Variants in ABCA4 observed in about 807,000 individuals in gnomAD.
ABCA4 encodes ATP binding cassette subfamily A member 4.
ABCA4 carries 196 observed loss-of-function variants against 263.7 expected under a neutral mutation model. The ratio of observed to expected loss-of-function variants is 0.74; its 90% confidence interval spans 0.66 to 0.84. The LOEUF (loss-of-function observed/expected upper bound fraction) is 0.84, where lower values mean the gene tolerates loss of function less well. Among genes scored for constraint, ABCA4 ranks in the 40% least tolerant of loss-of-function variants. The pLI, the probability that ABCA4 is intolerant of heterozygous loss-of-function variation, is 0.00. For synonymous variants in ABCA4, 1,133 were observed against 1,094.2 expected (o/e 1.04, Z -0.70); for missense variants, 2,792 against 2,855.1 (o/e 0.98, Z 0.50).
rs771016066 is a variant in ABCA4 at position 93,997,947 on chromosome 1, G to GGGA, written c.6640_6642dup (p.Ser2214dup). ...AGGAGGAGCTGGAAGATCCTCGCCAGGGAGGAGGAGGAGACCTGGAACTGG... is the reference window on the plus strand; with the variant it reads ...AGGAGGAGCTGGAAGATCCTCGCCAGGGAGGAGGAGGAGGAGACCTGGAACTGG... On this transcript the variant is annotated inframe_insertion, in exon 48 of 50. Transcript: ENST00000370225. 3 of 1,614,156 alleles carry GGGA rather than the reference G, an allele frequency of 1.9e-6. No homozygotes were observed. Among genetic ancestry groups the GGGA allele is most frequent in the South Asian group, 2.2e-5 (2 of 91,076 alleles).
intron 44 of ABCA4, among the ~76,000 whole-genome samples, chr1:94,003,243 T>A (rs962802382): frequency 1.3e-5 from 2 of 152,250 alleles, no homozygotes; most frequent in Non-Finnish European, 2.9e-5. Context: ...AGATGTAGTC[T>A]ATTGTCTGCT....
intron 1 of ABCA4, among the ~76,000 whole-genome samples, chr1:94,119,482 C>T (rs1436297072): frequency 6.6e-6 from 1 of 152,168 alleles, no homozygotes; most frequent in African/African-American, 2.4e-5. Flanking sequence ...GCTATTGTCC[C>T]TCGGCCCCAC....
intron 36 of ABCA4, among the ~76,000 whole-genome samples, chr1:94,016,750 C>T (rs1659757598): frequency 1.3e-5 from 2 of 152,060 alleles, no homozygotes; most frequent in African/African-American, 4.8e-5. Context: ...GTGTGTACAT[C>T]CATATCTTCC....
chr1:94,047,284 T>C (rs1231032229), intron 18 of ABCA4, among the ~76,000 whole-genome samples, 191 bp from the exon 19 acceptor site: 2 of 152,228 alleles, frequency 1.3e-5, no homozygotes, highest in Non-Finnish European at 2.9e-5. Flanking sequence ...GCACCTCCTA[T>C]ATGCCAGGCA....
chr1:94,097,449 T>G (rs768271184), intron 6 of ABCA4, among the ~76,000 whole-genome samples: 25 of 152,194 alleles, frequency 1.6e-4, no homozygotes, highest in Non-Finnish European at 3.4e-4. Context: ...CAAAACACAG[T>G]TCCTCAATCA....
intron 14 of ABCA4, among the ~76,000 whole-genome samples, chr1:94,057,179 T>C (rs566160638): frequency 4.6e-5 from 7 of 152,158 alleles, no homozygotes; most frequent in Non-Finnish European, 8.8e-5. Flanking sequence ...ACCAATCAAA[T>C]ATTTGCTTTG....
chr1:94,099,048 T>C, intron 5 of ABCA4, 57 bp from the exon 6 acceptor site: 1 of 1,547,192 alleles, frequency 6.5e-7, no homozygotes, highest in Non-Finnish European at 8.7e-7. Flanking sequence ...GACACCCACG[T>C]CCTAACCCAC....
In ABCA4 at chr1:94,111,423, G is replaced by C. The variant is rs201042274; in HGVS notation, c.302+15C>G. ...GCAACTTCCTCCCCTGCATGGTAGG[G>C]ATCTCAACACTTACATGGAGTTGTT... On this transcript the variant is annotated intron_variant, in intron 3 of 49. Transcript: ENST00000370225. 6.2e-7 allele frequency: 1 copy of C among 1,613,644 alleles called. No individual in the cohort carries two copies. Among genetic ancestry groups the C allele is most frequent in the East Asian group, 2.2e-5 (1 of 44,872 alleles).
At chr1:94,119,275 A>G (rs1305699467) in intron 1 of ABCA4, among the ~76,000 whole-genome samples, 1 of 152,142 alleles carries the variant, frequency 6.6e-6, no homozygotes, top group Admixed American at 6.5e-5. Context: ...CCTGGAGACA[A>G]CAGATAACTT....
chr1:94,044,117 CCTT>C (rs1557779082), intron 20 of ABCA4, among the ~76,000 whole-genome samples: 13 of 72,892 alleles, frequency 1.8e-4, no homozygotes, highest in African/African-American at 9.4e-4. Flanking sequence ...TTCCTTCCTT[CCTT>C]CCTCCCTTCC....
Position 93,997,968 on chromosome 1 carries a change from A to G in ABCA4, c.6622T>C (p.Phe2208Leu), listed in dbSNP as rs1374099516. Residue 2208 changes from phenylalanine to leucine, a missense_variant, in exon 48 of 50, where the codon TTC becomes CTC. Phe to Leu is a conservative substitution (Grantham distance 22, BLOSUM62 0). Coordinates refer to ENST00000370225, the MANE Select transcript of ABCA4 (RefSeq NM_000350.3). ...QRERHYNMLQ[F>L]QVSSSSLARI... ...GCCAGGGAGGAGGAGGAGACCTGGAACTGGAGCATGTTGTAGTGCCTCTCC... is the reference window on the plus strand; with the variant it reads ...GCCAGGGAGGAGGAGGAGACCTGGAGCTGGAGCATGTTGTAGTGCCTCTCC... 6.2e-7 allele frequency: 1 copy of G among 1,614,096 alleles called. No homozygotes were observed. Among genetic ancestry groups the G allele is most frequent in the Non-Finnish European group, 8.5e-7 (1 of 1,180,010 alleles).
rs1660486761 is a variant in ABCA4, at chr1:94,041,494, G to A, written c.3329-92C>T. The stretch of plus-strand genomic sequence containing the variant: ...ACAGCAATTTCCTGGCTATATAGTT[G>A]CAAAAATCAGGAGTTAACTAAAAAA... On this transcript the variant is annotated intron_variant, in intron 22 of 49. Transcript: ENST00000370225. The A allele has an allele frequency of 3.6e-6, 5 of 1,379,208 alleles. No individual in the cohort carries two copies. In the East Asian group the frequency reaches 9.5e-5, roughly 26 times the overall value. 85.4% of individuals were successfully genotyped at this position (1,379,208 alleles called of 1,614,324 possible).
intron 36 of ABCA4, 50 bp downstream of exon 36, chr1:94,019,532 T>A: frequency 6.5e-7 from 1 of 1,545,254 alleles, no homozygotes; most frequent in Non-Finnish European, 8.8e-7. Flanking sequence ...ACACACAAGC[T>A]CCACCTTGGG....
chr1:94,108,252 C>T (rs1388472959), intron 4 of ABCA4, among the ~76,000 whole-genome samples: 3 of 152,182 alleles, frequency 2.0e-5, no homozygotes, highest in Admixed American at 6.5e-5. Context: ...TATATCTTTA[C>T]GAAACTCTGT....
intron 6 of ABCA4, among the ~76,000 whole-genome samples, chr1:94,089,556 C>T (rs995654424): frequency 2.6e-5 from 4 of 151,880 alleles, no homozygotes; most frequent in Admixed American, 6.6e-5. Flanking sequence ...CTCCGCCTCC[C>T]GGGTTCAAGT....
chr1:94,103,508 G>A (rs916986472), intron 4 of ABCA4, among the ~76,000 whole-genome samples: 1 of 152,146 alleles, frequency 6.6e-6, no homozygotes, highest in African/African-American at 2.4e-5. Context: ...GACATTTCTG[G>A]GTGTCACAAC....
rs1660484028 is a variant in ABCA4, at chr1:94,041,406, C to A, written c.3329-4G>T. 1 of 1,613,340 alleles carries A rather than the reference C, an allele frequency of 6.2e-7. No individual in the cohort carries two copies. The highest frequency in any genetic ancestry group is 8.5e-7 in the Non-Finnish European group (1 of 1,179,986). On this transcript the variant is annotated splice_polypyrimidine_tract_variant and splice_region_variant and intron_variant, in intron 22 of 49. Transcript: ENST00000370225. ...GTGGACATGATGATGGTTCTGCCTG[C>A]AAGGTAGGGGCCAGGGCAATCACCA...
In ABCA4 at chr1:94,063,321, CAG is replaced by C. The variant is rs1280974868; in HGVS notation, c.1555-6_1555-5del. 1 of 1,613,922 alleles carries C rather than the reference CAG, an allele frequency of 6.2e-7. No individual in the cohort carries two copies. On this transcript the variant is annotated splice_region_variant and splice_polypyrimidine_tract_variant and intron_variant, in intron 11 of 49. Coordinates refer to ENST00000370225, the MANE Select transcript of ABCA4 (RefSeq NM_000350.3). ...CAAACTTATCCAGGACCAAGCACTG[CAG>C]AGAGTCACAAAGTTGAGAGAGTGTG...
At chr1:94,005,419 G>A in intron 44 of ABCA4, 22 bp downstream of exon 44, 1 of 1,613,978 alleles carries the variant, frequency 6.2e-7, no homozygotes, top group South Asian at 1.1e-5. Flanking sequence ...CTCCTATGTG[G>A]CCACAACAAA....
Sources: gnomAD v4.1 joint callset for allele counts (sites outside exome capture counted in the v4.1 genomes callset) on GRCh38, gnomAD v4.1.1 for gene constraint, MANE v1.5 for transcripts, NCBI Gene and HGNC (gene_info 2026-07-23, HGNC 2026-07-21) for gene names.